Variants in MAOB observed in about 807,000 individuals in gnomAD.
MAOB encodes monoamine oxidase B.
A neutral mutation model predicts 41.9 loss-of-function variants in MAOB; 15 were observed. The ratio of observed to expected loss-of-function variants is 0.36; its 90% CI spans 0.24 to 0.55. The LOEUF is 0.55. MAOB is among the 20% of genes least tolerant of loss of function. The pLI, the probability that MAOB is intolerant of heterozygous loss-of-function variation, is 0.86. For missense variants in MAOB, 345 were observed against 398.7 expected, an observed-to-expected ratio of 0.87 and a Z score of 1.15; for synonymous variants, 167 against 144.2, an observed-to-expected ratio of 1.16 and a Z score of -1.13.
At chrX:43,835,768 A>T (rs745890681) in intron 3 of MAOB, among the ~76,000 whole-genome samples, 2 of 111,639 alleles carry the variant, frequency 1.8e-5, no homozygotes, top group African/African-American at 6.5e-5. Context: ...CTCTTGAGGA[A>T]ACACACTCTT....
chrX:43,875,851 A>T (rs1203430200), intron 1 of MAOB, among the ~76,000 whole-genome samples: 2 of 112,324 alleles, frequency 1.8e-5, no homozygotes, highest in African/African-American at 6.5e-5. Flanking sequence ...CTGAAGAAGT[A>T]CCAAGACAAA....
rs2034958160 is a variant in MAOB, at chrX:43,827,084, G to T, written c.279+11784C>A. Among the ~76,000 whole-genome samples, 3 of 111,858 alleles carry T rather than the reference G, an allele frequency of 2.7e-5. No homozygotes were observed. In the Admixed American group the frequency reaches 2.8e-4, roughly 11 times the overall value. On this transcript the variant is annotated intron_variant, in intron 3 of 14. Coordinates refer to ENST00000378069, the MANE Select transcript of MAOB (RefSeq NM_000898.5). ...AGAGAATACCAGTGGGGGTGGGAGA[G>T]GCTACTCTGGCATCTCTGAGGAGGT...
At chrX:43,782,915 G>A (rs1427194822) in intron 8 of MAOB, among the ~76,000 whole-genome samples, 1 of 111,688 alleles carries the variant, frequency 9.0e-6, no homozygotes, top group African/African-American at 3.3e-5. Context: ...AATAGATGCA[G>A]AAAAGGCCTT....
chrX:43,789,478 A>T (rs2034437979), intron 8 of MAOB, among the ~76,000 whole-genome samples: 1 of 112,374 alleles, frequency 8.9e-6, no homozygotes, highest in Non-Finnish European at 1.9e-5. Context: ...AGATGTAAAT[A>T]TTCAAGGGAA....
At chrX:43,772,944 A>G (rs756278824) in intron 12 of MAOB, among the ~76,000 whole-genome samples, 2 of 112,058 alleles carry the variant, frequency 1.8e-5, no homozygotes, top group East Asian at 5.6e-4. Context: ...CCAGAAACTG[A>G]GCAGATGCCA....
intron 3 of MAOB, among the ~76,000 whole-genome samples, chrX:43,805,690 A>G (rs997625217): frequency 3.7e-4 from 41 of 112,078 alleles, no homozygotes; most frequent in African/African-American, 1.1e-3. Flanking sequence ...GTTGATAACT[A>G]TTTCTAGTTT....
At chrX:43,814,700 G>T (rs772821158) in intron 3 of MAOB, among the ~76,000 whole-genome samples, 46 of 111,915 alleles carry the variant, frequency 4.1e-4, no homozygotes, top group Non-Finnish European at 3.9e-4. Flanking sequence ...TGCATGGGAT[G>T]GTTGGATGGA....
chrX:43,811,971 C>A (rs896503550), intron 3 of MAOB, among the ~76,000 whole-genome samples: 2 of 111,476 alleles, frequency 1.8e-5, no homozygotes, highest in Non-Finnish European at 3.8e-5. Context: ...ATTAACCATC[C>A]TTATCTTCCT....
At chrX:43,876,698 A>G (rs2035442471) in intron 1 of MAOB, among the ~76,000 whole-genome samples, 2 of 112,711 alleles carry the variant, frequency 1.8e-5, no homozygotes, top group Non-Finnish European at 3.7e-5. Context: ...AATACATATT[A>G]AAATAATTAG....
At chrX:43,840,794 G>A (rs1229221090) in intron 2 of MAOB, among the ~76,000 whole-genome samples, 4 of 110,876 alleles carry the variant, frequency 3.6e-5, no homozygotes, top group East Asian at 2.8e-4. Flanking sequence ...TTCACAACCC[G>A]CAGACCAGGA....
At chrX:43,832,629 A>T (rs1236057690) in intron 3 of MAOB, among the ~76,000 whole-genome samples, 1 of 111,766 alleles carries the variant, frequency 8.9e-6, no homozygotes, top group Non-Finnish European at 1.9e-5. Flanking sequence ...AGCTTACTTT[A>T]TTGTAAGAAT....
chrX:43,858,141 C>A (rs1020134737), intron 1 of MAOB, among the ~76,000 whole-genome samples: 2 of 111,726 alleles, frequency 1.8e-5, no homozygotes, highest in Admixed American at 1.9e-4. Context: ...TTCTGTCAAC[C>A]CACTGAGGAA....
intron 1 of MAOB, among the ~76,000 whole-genome samples, chrX:43,855,522 T>G (rs2035282226): frequency 9.0e-6 from 1 of 111,109 alleles, no homozygotes; most frequent in African/African-American, 3.3e-5. Flanking sequence ...AAGCTACAAC[T>G]GCTTCTTCAT....
intron 3 of MAOB, among the ~76,000 whole-genome samples, chrX:43,830,860 C>G (rs768069725): frequency 1.1e-3 from 126 of 112,005 alleles, no homozygotes; most frequent in African/African-American, 3.7e-3. Context: ...TAATCAGTGT[C>G]TTGTTAACAT....
intron 3 of MAOB, among the ~76,000 whole-genome samples, chrX:43,812,741 G>C (rs777813411): frequency 1.5e-4 from 17 of 112,456 alleles, no homozygotes; most frequent in Non-Finnish European, 3.0e-4. Context: ...AATTGGCACT[G>C]ACACTGTCTT....
chrX:43,869,692 A>G (rs1382694526), intron 1 of MAOB, among the ~76,000 whole-genome samples: 2 of 112,421 alleles, frequency 1.8e-5, no homozygotes, highest in East Asian at 5.6e-4. Context: ...TCTGACTCTT[A>G]CATCATTTTT....
chrX:43,838,643 C>T (rs1197053160), intron 3 of MAOB, among the ~76,000 whole-genome samples: 6 of 112,059 alleles, frequency 5.4e-5, no homozygotes, highest in Non-Finnish European at 9.4e-5. Context: ...CATTTTACCA[C>T]ATGGAAGATA....
intron 1 of MAOB, among the ~76,000 whole-genome samples, chrX:43,866,121 G>C (rs1258634479): frequency 9.1e-6 from 1 of 110,433 alleles, no homozygotes; most frequent in Non-Finnish European, 1.9e-5. Context: ...TTATCCTGGG[G>C]GTAATGGAGG....
chrX:43,809,643 C>T (rs2034718181), intron 3 of MAOB, among the ~76,000 whole-genome samples: 1 of 111,883 alleles, frequency 8.9e-6, no homozygotes, highest in Admixed American at 9.5e-5. Flanking sequence ...ATTACACAAT[C>T]TGAGGCAAGA....
Sources: gnomAD v4.1 joint callset for allele counts (sites outside exome capture counted in the v4.1 genomes callset) on GRCh38, gnomAD v4.1.1 for gene constraint, MANE v1.5 for transcripts, NCBI Gene and HGNC (gene_info 2026-07-23, HGNC 2026-07-21) for gene names.